The following PPP1R13B variants were observed in gnomAD, a reference collection of about 807,000 sequenced individuals.
PPP1R13B encodes the protein protein phosphatase 1 regulatory subunit 13B.
In PPP1R13B, 44 loss-of-function variants were observed where a neutral mutation model predicts 119.8. The ratio of observed to expected loss-of-function variants is 0.37; its 90% CI spans 0.29 to 0.47. PPP1R13B has a LOEUF of 0.47. PPP1R13B is among the 20% of genes least tolerant of loss of function. The probability of loss-of-function intolerance (pLI) is 0.99; values close to 1 mark genes in which losing one functional copy is unlikely to be tolerated. For missense variants in PPP1R13B, 1,227 were observed against 1,413.5 expected, an observed-to-expected ratio of 0.87 and a Z score of 2.12; for synonymous variants, 542 against 561.5, an observed-to-expected ratio of 0.97 and a Z score of 0.49.
At chr14:103,735,325 G>A (rs765810294) in intron 16 of PPP1R13B, 130 bp from the exon 17 acceptor site, 61 of 830,118 alleles carry the variant, frequency 7.3e-5, no homozygotes, top group South Asian at 1.4e-4. Context: ...TCAGGCCTAC[G>A]CTCAGCTGCA....
chr14:103,754,433 G>A (rs1395839774), intron 5 of PPP1R13B, among the ~76,000 whole-genome samples, 189 bp from the exon 6 acceptor site: 2 of 151,556 alleles, frequency 1.3e-5, no homozygotes, highest in African/African-American at 4.8e-5. Flanking sequence ...GGCGTGGTGT[G>A]CGCCTGTAGT....
chr14:103,735,948 A>G, intron 16 of PPP1R13B, 55 bp downstream of exon 16: 1 of 1,579,360 alleles, frequency 6.3e-7, no homozygotes, highest in South Asian at 1.1e-5. Context: ...ATAGGACCGC[A>G]TGCTGTACAG....
intron 4 of PPP1R13B, among the ~76,000 whole-genome samples, chr14:103,766,536 T>A (rs2084943118): frequency 6.6e-6 from 1 of 152,214 alleles, no homozygotes; most frequent in Non-Finnish European, 1.5e-5. Flanking sequence ...AGCCATTTAT[T>A]ATGTCAAAGG....
intron 1 of PPP1R13B, among the ~76,000 whole-genome samples, chr14:103,798,203 G>A (rs2152042202): frequency 6.8e-6 from 1 of 148,040 alleles, no homozygotes; most frequent in East Asian, 2.0e-4. Context: ...CCAGGCTGGA[G>A]TGCAGTGGCG....
intron 9 of PPP1R13B, 183 bp from the exon 10 acceptor site, chr14:103,743,006 C>A: frequency 1.5e-6 from 1 of 648,588 alleles, no homozygotes; most frequent in Non-Finnish European, 2.6e-6. Context: ...CCCACAGACC[C>A]GTGCACAAGA....
rs559178623 is a variant in PPP1R13B, at chr14:103,739,825, G to A, written c.2591C>T (p.Thr864Met). 4.1e-5 allele frequency: 65 copies of A among 1,603,840 alleles called. 1 individual carries two copies. The South Asian group carries it at 4.7e-4, about 12-fold the overall frequency. ...CTTTGGTCTAGCAATGACACCCACC[G>A]TGGAGGTGGCAGGAGGGTGGCTGGC... ...PPASHPPATSTNKRTNLKKPN... is the reference protein window; with the variant it reads ...PPASHPPATSMNKRTNLKKPN... Residue 864 changes from threonine to methionine, a missense_variant and splice_region_variant, in exon 12 of 17, where the codon ACG (threonine) becomes ATG (methionine). Coordinates refer to ENST00000202556, the MANE Select transcript of PPP1R13B (RefSeq NM_015316.3).
intron 1 of PPP1R13B, among the ~76,000 whole-genome samples, chr14:103,817,737 C>G (rs1475004013): frequency 6.6e-6 from 1 of 151,924 alleles, no homozygotes; most frequent in African/African-American, 2.4e-5. Flanking sequence ...TAACTCTCAA[C>G]AGGCCTATGC....
chr14:103,848,376 C>A, upstream of PPP1R13B: 1 of 985,454 alleles, frequency 1.0e-6, no homozygotes, highest in African/African-American at 1.7e-5. Flanking sequence ...CCAGAGGCGC[C>A]GCCCCCTCGG....
intron 6 of PPP1R13B, 75 bp downstream of exon 6, chr14:103,753,995 T>A: frequency 6.6e-7 from 1 of 1,504,768 alleles, no homozygotes; most frequent in South Asian, 1.3e-5. Context: ...GACTGAATTG[T>A]CAGGCAGTTA....
chr14:103,760,258 C>A (rs1044218077), intron 4 of PPP1R13B, among the ~76,000 whole-genome samples: 1 of 152,108 alleles, frequency 6.6e-6, no homozygotes, highest in Non-Finnish European at 1.5e-5. Flanking sequence ...AATAATAGGC[C>A]TATCACTGTA....
chr14:103,830,087 TTTTTA>T (rs987793396), intron 1 of PPP1R13B, among the ~76,000 whole-genome samples: 3 of 146,812 alleles, frequency 2.0e-5, no homozygotes, highest in Non-Finnish European at 4.4e-5. Context: ...TGTATTTTTA[TTTTTA>T]TTTTATTTAT....
chr14:103,747,268 A>G (rs1439942482), intron 8 of PPP1R13B: 1 of 152,228 alleles, frequency 6.6e-6, no homozygotes, highest in Non-Finnish European at 1.5e-5. Flanking sequence ...ATGCATGAGG[A>G]CAGGTCATTT....
chr14:103,776,322 A>C (rs1484686746), intron 4 of PPP1R13B, among the ~76,000 whole-genome samples: 1 of 152,212 alleles, frequency 6.6e-6, no homozygotes, highest in African/African-American at 2.4e-5. Flanking sequence ...AAATAAACAG[A>C]GATTTAAGTA....
chr14:103,846,696 G>C (rs1195556027), intron 1 of PPP1R13B: 5 of 455,738 alleles, frequency 1.1e-5, no homozygotes, highest in Non-Finnish European at 1.8e-5. Context: ...TTAAGGGCAG[G>C]ACAAAGACAC....
chr14:103,790,414 T>C (rs1056795610), intron 2 of PPP1R13B, among the ~76,000 whole-genome samples: 4 of 152,064 alleles, frequency 2.6e-5, no homozygotes, highest in African/African-American at 9.7e-5. Flanking sequence ...GTGGTAATAT[T>C]AGGAGGTGGG....
upstream of PPP1R13B, chr14:103,848,186 C>T (rs1373280057): frequency 1.1e-6 from 1 of 951,566 alleles, no homozygotes; most frequent in Admixed American, 6.2e-5. Context: ...GGGGCCGCGC[C>T]CCCCGCACCA....
At position 103,735,138 on chromosome 14, in the gene PPP1R13B, T is replaced by C. The variant is rs747212944; in HGVS notation, c.*16A>G. 1 of 1,614,040 alleles carries C rather than the reference T, an allele frequency of 6.2e-7. No individual in the cohort carries two copies. The highest frequency in any genetic ancestry group is 1.1e-5 in the South Asian group (1 of 91,078). On this transcript the variant is annotated 3_prime_UTR_variant, in exon 17 of 17. Coordinates refer to ENST00000202556, the MANE Select transcript of PPP1R13B (RefSeq NM_015316.3). ...CCTGGTAGCTGGCAAGACCATGCGG[T>C]GCTCCAAAAGGAAGTTCAGGCGAGT...
intron 4 of PPP1R13B, among the ~76,000 whole-genome samples, chr14:103,760,221 A>T (rs1567101559): frequency 1.3e-5 from 2 of 152,234 alleles, no homozygotes; most frequent in Admixed American, 1.3e-4. Context: ...AGAAAATGAA[A>T]ACTCTTCAAT....
At chr14:103,780,485 CAAAAAAAAAA>C (rs34274916) in intron 3 of PPP1R13B, among the ~76,000 whole-genome samples, 53 of 36,214 alleles carry the variant, frequency 1.5e-3, no homozygotes, top group South Asian at 5.0e-3. Context: ...AACCCTGTCT[CAAAAAAAAAA>C]AAAAAAAAAA....
Sources: allele counts gnomAD v4.1 joint callset (sites outside exome capture counted in the v4.1 genomes callset), GRCh38; gene constraint gnomAD v4.1.1; transcripts MANE v1.5; gene names NCBI Gene and HGNC (gene_info 2026-07-23, HGNC 2026-07-21).